The following RNF8 variants were observed in gnomAD, a reference collection of about 807,000 sequenced individuals.
RNF8 encodes ring finger protein 8, also known as E3 ubiquitin-protein ligase RNF8.
In RNF8, 8 loss-of-function variants were observed where a neutral mutation model predicts 59.3. The observed-to-expected ratio is 0.13, with a 90% CI of 0.08 to 0.24. The LOEUF (loss-of-function observed/expected upper bound fraction) is 0.24, where lower values mean the gene tolerates loss of function less well. Among genes scored for constraint, RNF8 ranks in the 10% least tolerant of loss-of-function variants. RNF8 has a pLI of 1.00. For synonymous variants in RNF8, 162 were observed against 200.0 expected (o/e 0.81, Z 1.60); for missense variants, 406 against 572.6 (o/e 0.71, Z 2.97).
intron 5 of RNF8, among the ~76,000 whole-genome samples, chr6:37,376,572 C>T (rs925993318): frequency 5.9e-5 from 9 of 152,086 alleles, no homozygotes; most frequent in African/African-American, 1.9e-4. Context: ...TTTAAGGCCA[C>T]TAACCCCATT....
At chr6:37,376,784 G>A (rs1770036343) in intron 5 of RNF8, 142 bp from the exon 6 acceptor site, 1 of 615,280 alleles carries the variant, frequency 1.6e-6, no homozygotes, top group South Asian at 2.0e-5. Flanking sequence ...CTTAGGGAAA[G>A]TGTTCTATTC....
chr6:37,387,607 G>A lies in RNF8; in HGVS notation c.1442-3135G>A, dbSNP rs370058235. On this transcript the variant is annotated intron_variant, in intron 7 of 7. Transcript: ENST00000373479. ...TCAGCCCACCTCAGCTTCCCACAGC[G>A]CTGGGGTTATAGGCATGCGCCACCA... 5.0e-4 allele frequency among the ~76,000 whole-genome samples: 76 copies of A among 152,308 alleles called. No individual in the cohort carries two copies. In the South Asian group the frequency reaches 0.014, roughly 28 times the overall value.
At chr6:37,390,590 G>C (rs920378707) in intron 7 of RNF8, 152 bp from the exon 8 acceptor site, 3 of 608,070 alleles carry the variant, frequency 4.9e-6, no homozygotes, top group African/African-American at 3.7e-5. Context: ...AGTGGGCTTT[G>C]AGCAGAGAGT....
intron 2 of RNF8, among the ~76,000 whole-genome samples, chr6:37,362,911 A>C (rs142946224): frequency 1.5e-4 from 23 of 152,394 alleles, no homozygotes; most frequent in African/African-American, 5.5e-4. Context: ...CTAAGTCTGC[A>C]CACAGTATGA....
intron 2 of RNF8, among the ~76,000 whole-genome samples, chr6:37,362,022 C>T (rs1415648777): frequency 6.6e-6 from 1 of 152,178 alleles, no homozygotes; most frequent in Non-Finnish European, 1.5e-5. Flanking sequence ...AAGCAATTTG[C>T]TATACTGGCT....
chr6:37,369,428 A>T (rs1769705991), intron 3 of RNF8, among the ~76,000 whole-genome samples: 1 of 152,254 alleles, frequency 6.6e-6, no homozygotes, highest in Admixed American at 6.5e-5. Flanking sequence ...ATCAGGAGCC[A>T]GAGTTAGAGT....
At chr6:37,359,248 A>G (rs949244651) in intron 1 of RNF8, 3 of 451,800 alleles carry the variant, frequency 6.6e-6, no homozygotes, top group South Asian at 3.2e-5. Flanking sequence ...CTTCTTTTCA[A>G]CCTTTTCCGG....
rs1769689683 is a variant in RNF8 at position 37,369,044 on chromosome 6, T to C, written c.801T>C (p.His267=). Reference sequence around the variant, plus strand: ...TCAAAATACAGATGCAGGAAAAACATGAAGCCGTTATGAATGTGAAAAAGC... The same window carrying C: ...TCAAAATACAGATGCAGGAAAAACACGAAGCCGTTATGAATGTGAAAAAGC... ...LRLKIQMQEK[H]EAVMNVKKQT... Residue 267 remains histidine (H), a synonymous_variant, in exon 3 of 8, where the codon CAT becomes CAC. Transcript: ENST00000373479. 1 of 1,614,204 alleles carries C rather than the reference T, an allele frequency of 6.2e-7. No individual in the cohort carries two copies. Among genetic ancestry groups the C allele is most frequent in the Non-Finnish European group, 8.5e-7 (1 of 1,180,028 alleles).
At chr6:37,367,208 C>G (rs1769593656) in intron 2 of RNF8, among the ~76,000 whole-genome samples, 1 of 152,124 alleles carries the variant, frequency 6.6e-6, no homozygotes, top group Non-Finnish European at 1.5e-5. Flanking sequence ...CACACAGACA[C>G]CATGAGGGAG....
chr6:37,383,348 C>T (rs1019907699), intron 7 of RNF8, among the ~76,000 whole-genome samples: 1 of 152,242 alleles, frequency 6.6e-6, no homozygotes, highest in East Asian at 1.9e-4. Flanking sequence ...AAATACCAAC[C>T]TTCCTTCCAT....
intron 5 of RNF8, among the ~76,000 whole-genome samples, chr6:37,376,234 C>T (rs764542272): frequency 1.3e-5 from 2 of 152,078 alleles, no homozygotes; most frequent in East Asian, 1.9e-4. Flanking sequence ...ACTTAATGTC[C>T]CATCTGGTCT....
chr6:37,360,628 T>A lies in RNF8; in HGVS notation c.240+54T>A. On this transcript the variant is annotated intron_variant, in intron 2 of 7. Transcript: ENST00000373479. The surrounding 1 kb of genome is among the most constrained non-coding windows in gnomAD (Gnocchi z 4.2). ...TTTTATTTGTTTTTAAATTACTTTT[T>A]TTTTTTTTTGCATAGGTAATTCATG... 1 of 1,526,996 alleles carries A rather than the reference T, an allele frequency of 6.5e-7. No individual in the cohort carries two copies. The highest frequency in any genetic ancestry group is 8.8e-7 in the Non-Finnish European group (1 of 1,133,292). 94.6% of individuals were successfully genotyped at this position (1,526,996 alleles called of 1,614,324 possible). A position where few individuals can be genotyped will look rare whatever the true frequency, so the allele number is the denominator to read the frequency against.
At chr6:37,371,784 TTGTC>T (rs780941853) in intron 4 of RNF8, among the ~76,000 whole-genome samples, 3 of 152,124 alleles carry the variant, frequency 2.0e-5, no homozygotes, top group Non-Finnish European at 4.4e-5. Flanking sequence ...ACTTACATCT[TTGTC>T]TGAGCAGAAG....
chr6:37,362,721 C>A (rs987384629), intron 2 of RNF8, among the ~76,000 whole-genome samples: 1 of 152,214 alleles, frequency 6.6e-6, no homozygotes, highest in Non-Finnish European at 1.5e-5. Context: ...TGTTTGAAGT[C>A]ATTTGCCAAA....
chr6:37,356,667 T>C (rs1006184175), intron 1 of RNF8, among the ~76,000 whole-genome samples: 1 of 152,286 alleles, frequency 6.6e-6, no homozygotes, highest in African/African-American at 2.4e-5. Flanking sequence ...TTTTCTTCTC[T>C]TGTATTTAGT....
chr6:37,364,490 T>C (rs1330690171), intron 2 of RNF8, among the ~76,000 whole-genome samples: 1 of 152,214 alleles, frequency 6.6e-6, no homozygotes, highest in Non-Finnish European at 1.5e-5. Context: ...TGTTCCGCTT[T>C]AGTAAAGACT....
At chr6:37,363,118 G>A (rs1322728788) in intron 2 of RNF8, among the ~76,000 whole-genome samples, 1 of 152,162 alleles carries the variant, frequency 6.6e-6, no homozygotes, top group Non-Finnish European at 1.5e-5. Flanking sequence ...CCTGCTGCCT[G>A]GTGATTCCTA....
intron 1 of RNF8, among the ~76,000 whole-genome samples, chr6:37,358,379 G>A (rs1448222754): frequency 6.6e-6 from 1 of 152,192 alleles, no homozygotes; most frequent in African/African-American, 2.4e-5. Context: ...TTCTATTCCA[G>A]TTACTATTAT....
At chr6:37,377,376 C>T (rs1488461729) in intron 6 of RNF8, among the ~76,000 whole-genome samples, 10 of 152,124 alleles carry the variant, frequency 6.6e-5, no homozygotes, top group Admixed American at 1.3e-4. Context: ...CACACCCAGC[C>T]GACCCCTTCT....
Sources: allele counts gnomAD v4.1 joint callset (sites outside exome capture counted in the v4.1 genomes callset), GRCh38; gene constraint gnomAD v4.1.1; non-coding constraint Gnocchi (gnomAD v3.1); transcripts MANE v1.5; gene names NCBI Gene and HGNC (gene_info 2026-07-23, HGNC 2026-07-21).